Variants in VWC2 observed in about 807,000 individuals in gnomAD.
The protein encoded by VWC2 is von Willebrand factor C domain containing 2.
In VWC2, 14 loss-of-function variants were observed where a neutral mutation model predicts 29.8. That is an observed-to-expected ratio of 0.47 (90% confidence interval 0.31 to 0.74). The LOEUF is 0.74. Ranked by LOEUF, VWC2 falls within the 30% of genes least tolerant of loss-of-function variation. The pLI, the probability that VWC2 is intolerant of heterozygous loss-of-function variation, is 0.05. For missense variants in VWC2, 457 were observed against 459.8 expected (o/e 0.99, Z 0.05); for synonymous variants, 213 against 199.0 (o/e 1.07, Z -0.59).
intron 3 of VWC2, among the ~76,000 whole-genome samples, chr7:49,808,143 G>A (rs932715880): frequency 9.2e-5 from 14 of 152,002 alleles, no homozygotes; most frequent in African/African-American, 3.4e-4. Flanking sequence ...CTGTTCTGCT[G>A]GAATTAAATT....
At chr7:49,899,060 G>T (rs1480255495) in intron 3 of VWC2, among the ~76,000 whole-genome samples, 1 of 151,848 alleles carries the variant, frequency 6.6e-6, no homozygotes, top group African/African-American at 2.4e-5. Context: ...TTTTCAAAGG[G>T]GATCAAAAAC....
chr7:49,829,934 A>C (rs1190922235), intron 3 of VWC2, among the ~76,000 whole-genome samples: 1 of 152,232 alleles, frequency 6.6e-6, no homozygotes, highest in Non-Finnish European at 1.5e-5. Flanking sequence ...TTTATGTGTC[A>C]TTAACTATCT....
In VWC2 at chr7:49,914,673, C is replaced by T. The variant is rs1343118714; in HGVS notation, c.*2488C>T. The T allele has an allele frequency of 6.6e-6, 1 of 152,198 alleles. No individual in the cohort carries two copies. The highest frequency in any genetic ancestry group is 1.9e-4 in the East Asian group (1 of 5,204). 9.4% of individuals were successfully genotyped at this position (152,198 alleles called of 1,614,324 possible). The stretch of plus-strand genomic sequence containing the variant: ...CAGTTAGACTTTCACAAATACATAG[C>T]TATCTCAGATTGACATTCTATTTTC... On this transcript the variant is annotated 3_prime_UTR_variant, in exon 4 of 4. Coordinates refer to ENST00000340652, the MANE Select transcript of VWC2 (RefSeq NM_198570.5).
chr7:49,918,628 C>G lies in VWC2; in HGVS notation c.*6443C>G, dbSNP rs958616824. On this transcript the variant is annotated 3_prime_UTR_variant, in exon 4 of 4. Transcript: ENST00000340652. The stretch of plus-strand genomic sequence containing the variant: ...ATATTGTGACCCAGTTTTTCTGGAG[C>G]CAAGAGAAGTAAACTGCCATTTATT... 6.6e-6 allele frequency: 1 copy of G among 152,238 alleles called. No individual in the cohort carries two copies. The highest frequency in any genetic ancestry group is 1.9e-4 in the East Asian group (1 of 5,182). 9.4% of individuals were successfully genotyped at this position (152,238 alleles called of 1,614,324 possible). A position where few individuals can be genotyped will look rare whatever the true frequency, so the allele number is the denominator to read the frequency against.
At chr7:49,813,820 G>A (rs1457178874) in intron 3 of VWC2, among the ~76,000 whole-genome samples, 1 of 152,114 alleles carries the variant, frequency 6.6e-6, no homozygotes, top group African/African-American at 2.4e-5. Flanking sequence ...GTTAGTACAG[G>A]TTGGCATAAA....
Position 49,919,551 on chromosome 7 carries a change from G to A in VWC2, c.*7366G>A, listed in dbSNP as rs1400499169. The A allele has an allele frequency of 6.6e-6, 1 of 151,740 alleles. No homozygotes were observed. Among genetic ancestry groups the A allele is most frequent in the Non-Finnish European group, 1.5e-5 (1 of 67,948 alleles). The allele number at this position is 151,740 out of a possible 1,614,324, so 9.4% of individuals were successfully genotyped here. A position where few individuals can be genotyped will look rare whatever the true frequency, so the allele number is the denominator to read the frequency against. ...TGCAGTATACCCTGGTTTATTGTGA[G>A]GATTAAATAAAAAATCCTCACAAAC... On this transcript the variant is annotated 3_prime_UTR_variant, in exon 4 of 4. Coordinates refer to ENST00000340652, the MANE Select transcript of VWC2 (RefSeq NM_198570.5).
At chr7:49,813,741 C>T (rs927681923) in intron 3 of VWC2, among the ~76,000 whole-genome samples, 1 of 152,122 alleles carries the variant, frequency 6.6e-6, no homozygotes, top group Non-Finnish European at 1.5e-5. Flanking sequence ...GAAAACATGG[C>T]TGTTGAATGG....
rs1279409729 is a variant in VWC2, at chr7:49,774,037, C to G, written c.-180C>G. 6.6e-6 allele frequency: 1 copy of G among 151,876 alleles called. No homozygotes were observed. Among genetic ancestry groups the G allele is most frequent in the Admixed American group, 6.6e-5 (1 of 15,230 alleles). The allele number at this position is 151,876 out of a possible 1,614,324, so 9.4% of individuals were successfully genotyped here. On this transcript the variant is annotated 5_prime_UTR_variant, in exon 1 of 4. Coordinates refer to ENST00000340652, the MANE Select transcript of VWC2 (RefSeq NM_198570.5). Reference sequence around the variant, plus strand: ...CCGGCCGGCCCAGGATGGGCGCTGGCAACCCGGGCCCGCGCCCGCCGCTGC... The same window carrying G: ...CCGGCCGGCCCAGGATGGGCGCTGGGAACCCGGGCCCGCGCCCGCCGCTGC...
chr7:49,790,707 C>T (rs181104271), intron 2 of VWC2, among the ~76,000 whole-genome samples: 7 of 151,756 alleles, frequency 4.6e-5, no homozygotes, highest in East Asian at 3.9e-4. Context: ...CTCAGGGGGT[C>T]GGGGACTCAG....
chr7:49,909,337 G>T (rs1793279532), intron 3 of VWC2, among the ~76,000 whole-genome samples: 1 of 137,842 alleles, frequency 7.3e-6, no homozygotes, highest in South Asian at 2.4e-4. Flanking sequence ...AGAAAAGAAG[G>T]CATGCCAAAG....
At chr7:49,836,310 A>G (rs1789656356) in intron 3 of VWC2, among the ~76,000 whole-genome samples, 1 of 152,118 alleles carries the variant, frequency 6.6e-6, no homozygotes. Flanking sequence ...TCTGTGACTT[A>G]TAGTGAAATG....
At chr7:49,877,038 T>C (rs150633348) in intron 3 of VWC2, among the ~76,000 whole-genome samples, 3 of 152,214 alleles carry the variant, frequency 2.0e-5, no homozygotes, top group African/African-American at 7.2e-5. Context: ...TGACCGTCAG[T>C]CTCCTCCAGA....
chr7:49,902,887 A>G (rs1792847356), intron 3 of VWC2, among the ~76,000 whole-genome samples: 1 of 152,186 alleles, frequency 6.6e-6, no homozygotes. Context: ...AAGGAACAGT[A>G]CGTGGAACAT....
intron 2 of VWC2, among the ~76,000 whole-genome samples, chr7:49,799,008 G>A (rs1373321871): frequency 6.6e-6 from 1 of 152,238 alleles, no homozygotes; most frequent in Non-Finnish European, 1.5e-5. Flanking sequence ...ACAGCATTGA[G>A]GGGGCATAGG....
intron 3 of VWC2, among the ~76,000 whole-genome samples, chr7:49,862,905 A>G (rs1404466745): frequency 2.0e-5 from 3 of 152,122 alleles, no homozygotes; most frequent in African/African-American, 7.2e-5. Flanking sequence ...TATCTGTCTC[A>G]TTAGAGATAT....
rs1320265456 is a variant in VWC2 at position 49,920,856 on chromosome 7, A to C, written c.*8671A>C. On this transcript the variant is annotated 3_prime_UTR_variant, in exon 4 of 4. Transcript: ENST00000340652. ...CTTTACAAGGTACCTGATGAATGTAAAATTATAGCTTTTTGTCTTCATTTC... is the reference window on the plus strand; with the variant it reads ...CTTTACAAGGTACCTGATGAATGTACAATTATAGCTTTTTGTCTTCATTTC... 6.6e-6 allele frequency: 1 copy of C among 152,168 alleles called. No homozygotes were observed. The highest frequency in any genetic ancestry group is 6.5e-5 in the Admixed American group (1 of 15,270). 9.4% of individuals were successfully genotyped at this position (152,168 alleles called of 1,614,324 possible).
chr7:49,817,536 G>T (rs534581485), intron 3 of VWC2, among the ~76,000 whole-genome samples: 22 of 152,318 alleles, frequency 1.4e-4, no homozygotes, highest in Non-Finnish European at 2.5e-4. Context: ...TTCAGTGGGT[G>T]CTTCCAGGGA....
intron 3 of VWC2, among the ~76,000 whole-genome samples, chr7:49,803,083 T>C (rs994348594): frequency 4.6e-5 from 7 of 152,236 alleles, no homozygotes; most frequent in Non-Finnish European, 2.9e-5. Flanking sequence ...GAAATTCAAT[T>C]TCCACCTTTG....
At chr7:49,806,663 A>G (rs1177502370) in intron 3 of VWC2, among the ~76,000 whole-genome samples, 2 of 152,106 alleles carry the variant, frequency 1.3e-5, no homozygotes, top group Non-Finnish European at 2.9e-5. Context: ...TATGTATTTC[A>G]TAGAGTAGGA....
Sources: gnomAD v4.1 joint callset for allele counts (sites outside exome capture counted in the v4.1 genomes callset) on GRCh38, gnomAD v4.1.1 for gene constraint, MANE v1.5 for transcripts, NCBI Gene and HGNC (gene_info 2026-07-23, HGNC 2026-07-21) for gene names.